The following MAPK4 variants were observed in gnomAD, a reference collection of about 807,000 sequenced individuals.
MAPK4 encodes the protein mitogen-activated protein kinase 4, also known as Erk3-related.
MAPK4 carries 22 observed loss-of-function variants against 47.7 expected under a neutral mutation model. That is an observed-to-expected ratio of 0.46 (90% CI 0.33 to 0.66). MAPK4 has a LOEUF of 0.66. Ranked by LOEUF, MAPK4 falls within the 30% of genes least tolerant of loss-of-function variation. The pLI, the probability that MAPK4 is intolerant of heterozygous loss-of-function variation, is 0.02. For missense variants in MAPK4, 736 were observed against 831.7 expected, an observed-to-expected ratio of 0.88 and a Z score of 1.42; for synonymous variants, 390 against 365.7, an observed-to-expected ratio of 1.07 and a Z score of -0.76.
intron 2 of MAPK4, among the ~76,000 whole-genome samples, chr18:50,712,870 CCA>C (rs1397300570): frequency 3.5e-4 from 53 of 152,274 alleles, no homozygotes; most frequent in Non-Finnish European, 8.8e-5. Flanking sequence ...GAAAATAAAA[CCA>C]GACTATTTTT....
At chr18:50,659,923 G>A (rs1441450714) in intron 1 of MAPK4, among the ~76,000 whole-genome samples, 1 of 152,204 alleles carries the variant, frequency 6.6e-6, no homozygotes, top group Non-Finnish European at 1.5e-5. Context: ...TTTGCCCTGA[G>A]AAGCTGCACC....
At chr18:50,712,650 T>A (rs969915979) in intron 2 of MAPK4, among the ~76,000 whole-genome samples, 1 of 152,106 alleles carries the variant, frequency 6.6e-6, no homozygotes. Context: ...AACATCTTTC[T>A]TTTACTTTCA....
Position 50,621,226 on chromosome 18 carries a change from C to A in MAPK4, c.-870-41863C>A, listed in dbSNP as rs77732504. 7.3e-3 allele frequency among the ~76,000 whole-genome samples: 1,108 copies of A among 152,268 alleles called. 10 individuals carry two copies. Among genetic ancestry groups the A allele is most frequent in the African/African-American group, 0.026 (1,061 of 41,532 alleles). On this transcript the variant is annotated intron_variant, in intron 1 of 5. Transcript: ENST00000400384. ...ACATATGCTCTTCTTTTCCAAACTG[C>A]CTTCTAGACAGCAGACAAAAGACAG...
At chr18:50,655,235 C>T (rs1323489860) in intron 1 of MAPK4, among the ~76,000 whole-genome samples, 1 of 152,194 alleles carries the variant, frequency 6.6e-6, no homozygotes. Flanking sequence ...AGAAGGCTCA[C>T]CTGAGGCCCA....
chr18:50,712,964 C>T (rs988480148), intron 2 of MAPK4, among the ~76,000 whole-genome samples: 1 of 152,144 alleles, frequency 6.6e-6, no homozygotes, highest in African/African-American at 2.4e-5. Flanking sequence ...AACTTAAATT[C>T]CTAACAGCCT....
intron 1 of MAPK4, among the ~76,000 whole-genome samples, chr18:50,653,151 T>A (rs1263300116): frequency 6.6e-6 from 1 of 151,560 alleles, no homozygotes; most frequent in African/African-American, 2.4e-5. Flanking sequence ...ATCGAGCCAC[T>A]GCACACCAGC....
intron 5 of MAPK4, among the ~76,000 whole-genome samples, chr18:50,726,640 G>A (rs1405661247): frequency 1.3e-5 from 2 of 152,170 alleles, no homozygotes; most frequent in African/African-American, 4.8e-5. Flanking sequence ...GCTCATATCT[G>A]TAATCCCAGC....
At chr18:50,718,636 G>T (rs995328884) in intron 3 of MAPK4, among the ~76,000 whole-genome samples, 12 of 152,124 alleles carry the variant, frequency 7.9e-5, no homozygotes, top group East Asian at 1.9e-4. Context: ...AGCAATGAGG[G>T]AATTATTCAG....
chr18:50,648,205 G>A (rs1301359837), intron 1 of MAPK4, among the ~76,000 whole-genome samples: 3 of 151,912 alleles, frequency 2.0e-5, no homozygotes, highest in African/African-American at 7.3e-5. Context: ...AAGGTGTCAG[G>A]GTAACATTTC....
At chr18:50,693,579 G>A (rs759547033) in intron 2 of MAPK4, among the ~76,000 whole-genome samples, 21 of 152,174 alleles carry the variant, frequency 1.4e-4, no homozygotes, top group Admixed American at 7.9e-4. Context: ...AATCATAACT[G>A]ATGTTCGAAT....
intron 1 of MAPK4, among the ~76,000 whole-genome samples, chr18:50,646,450 G>A (rs3911848): frequency 0.037 from 5,675 of 152,238 alleles, 135 homozygotes; most frequent in Non-Finnish European, 0.055. Flanking sequence ...AGCACACCTG[G>A]AGCTGGCCAT....
At chr18:50,703,001 C>A (rs968204276) in intron 2 of MAPK4, among the ~76,000 whole-genome samples, 8 of 152,216 alleles carry the variant, frequency 5.3e-5, no homozygotes, top group African/African-American at 1.7e-4. Context: ...TCCCAGAATA[C>A]AAGAGTTTCT....
intron 1 of MAPK4, among the ~76,000 whole-genome samples, chr18:50,596,810 A>C (rs2042485770): frequency 6.6e-6 from 1 of 152,234 alleles, no homozygotes; most frequent in African/African-American, 2.4e-5. Flanking sequence ...GTTAAACACA[A>C]GATCAAAACC....
chr18:50,682,487 A>G (rs1908644659), intron 2 of MAPK4, among the ~76,000 whole-genome samples: 1 of 152,212 alleles, frequency 6.6e-6, no homozygotes, highest in Admixed American at 6.5e-5. Flanking sequence ...CTGTATAAGA[A>G]AAGCAAGTGA....
At chr18:50,605,382 C>A (rs2042573835) in intron 1 of MAPK4, among the ~76,000 whole-genome samples, 1 of 152,124 alleles carries the variant, frequency 6.6e-6, no homozygotes, top group Admixed American at 6.5e-5. Context: ...ATGTCAGGGA[C>A]AAAGATTTGG....
intron 1 of MAPK4, among the ~76,000 whole-genome samples, chr18:50,619,917 C>T (rs1451582654): frequency 2.0e-5 from 3 of 152,222 alleles, no homozygotes; most frequent in South Asian, 2.1e-4. Flanking sequence ...GGGAGGCTGG[C>T]GTAAGTAGAG....
rs547231878 is a variant in MAPK4, at chr18:50,680,249, G to A, written c.546+15745G>A. Among the ~76,000 whole-genome samples the A allele has an allele frequency of 6.8e-3, 1,029 of 151,482 alleles. 15 individuals are homozygous for A. The highest frequency in any genetic ancestry group is 0.024 in the African/African-American group (995 of 41,244). ...TGGGATTACAGGTGCCCACCACCAC[G>A]CCCAGCTGATTTTTGTATTTTTGGT... is the stretch of plus-strand genomic sequence containing the variant. On this transcript the variant is annotated intron_variant, in intron 2 of 5. Transcript: ENST00000400384.
At chr18:50,625,815 G>C (rs1375575221) in intron 1 of MAPK4, among the ~76,000 whole-genome samples, 2 of 151,672 alleles carry the variant, frequency 1.3e-5, no homozygotes, top group Admixed American at 1.3e-4. Context: ...GGAGTTCTTG[G>C]CTTAAGTGTT....
intron 1 of MAPK4, among the ~76,000 whole-genome samples, chr18:50,611,994 A>G (rs1028456460): frequency 6.6e-6 from 1 of 152,224 alleles, no homozygotes; most frequent in Non-Finnish European, 1.5e-5. Flanking sequence ...ATAGCTTGAC[A>G]GAGTTTTCAC....
Sources: gnomAD v4.1 joint callset for allele counts (sites outside exome capture counted in the v4.1 genomes callset) on GRCh38, gnomAD v4.1.1 for gene constraint, MANE v1.5 for transcripts, NCBI Gene and HGNC (gene_info 2026-07-23, HGNC 2026-07-21) for gene names.